The following SEMA5A variants were observed in gnomAD, a reference collection of about 807,000 sequenced individuals.
SEMA5A encodes semaphorin-5A.
In SEMA5A, 55 loss-of-function variants were observed where a neutral mutation model predicts 135.5. That is an observed-to-expected ratio of 0.41 (90% CI 0.33 to 0.51). The LOEUF is 0.51. SEMA5A is among the 20% of genes least tolerant of loss of function. The pLI, the probability that SEMA5A is intolerant of heterozygous loss-of-function variation, is 0.37. For missense variants in SEMA5A, 1,290 were observed against 1,419.9 expected, an observed-to-expected ratio of 0.91 and a Z score of 1.47; for synonymous variants, 580 against 546.5, an observed-to-expected ratio of 1.06 and a Z score of -0.85.
chr5:9,543,836 G>GAA (rs10535269), intron 1 of SEMA5A, among the ~76,000 whole-genome samples: 225 of 144,766 alleles, frequency 1.6e-3, no homozygotes, highest in African/African-American at 5.2e-3. Context: ...TATTTTTCAT[G>GAA]AAAAAAAAAA....
At chr5:9,235,682 A>T (rs1747869959) in intron 6 of SEMA5A, among the ~76,000 whole-genome samples, 1 of 150,336 alleles carries the variant, frequency 6.7e-6, no homozygotes, top group Non-Finnish European at 1.5e-5. Flanking sequence ...GTGTGCATCA[A>T]CAATATCTGC....
rs562426793 is a variant in SEMA5A at position 9,099,968 on chromosome 5, AAG to A, written c.2073+8170_2073+8171del. On this transcript the variant is annotated intron_variant, in intron 16 of 22. Coordinates refer to ENST00000382496, the MANE Select transcript of SEMA5A (RefSeq NM_003966.3). ...CTGTCCTGTATCTCTCTCTATGGAG[AAG>A]AGAGAACCTTTCCAGAAAAATGACT... Among the ~76,000 whole-genome samples, 60 of 152,330 alleles carry A rather than the reference AAG, an allele frequency of 3.9e-4. 1 individual carries two copies. Among genetic ancestry groups the A allele is most frequent in the African/African-American group, 1.2e-3 (50 of 41,578 alleles).
chr5:9,220,223 G>A (rs1746856945), intron 8 of SEMA5A, among the ~76,000 whole-genome samples: 1 of 152,122 alleles, frequency 6.6e-6, no homozygotes. Context: ...GCAGGGGAGT[G>A]GGGGATAAAA....
chr5:9,337,639 A>T, intron 4 of SEMA5A, 74 bp downstream of exon 4: 1 of 897,538 alleles, frequency 1.1e-6, no homozygotes, highest in Non-Finnish European at 1.8e-6. Context: ...TTGTCAGTGA[A>T]GGTCACATGT....
rs141530475 is a variant in SEMA5A, at chr5:9,368,539, G to A, written c.124+11284C>T. Among the ~76,000 whole-genome samples, 201 of 152,202 alleles carry A rather than the reference G, an allele frequency of 1.3e-3. 1 individual carries two copies. The highest frequency in any genetic ancestry group is 5.0e-3 in the Admixed American group (77 of 15,288). On this transcript the variant is annotated intron_variant, in intron 3 of 22. Coordinates refer to ENST00000382496, the MANE Select transcript of SEMA5A (RefSeq NM_003966.3). ...TTTGCAGCAACTCAAAAAATCTCTCGTACACCTTGCAGTCAATTTCTTCCT... is the reference window on the plus strand; with the variant it reads ...TTTGCAGCAACTCAAAAAATCTCTCATACACCTTGCAGTCAATTTCTTCCT...
intron 8 of SEMA5A, among the ~76,000 whole-genome samples, chr5:9,205,385 G>C (rs1745956527): frequency 6.6e-6 from 1 of 152,142 alleles, no homozygotes; most frequent in Non-Finnish European, 1.5e-5. Context: ...GAACATTGTT[G>C]GAAAGTGTTT....
chr5:9,361,464 G>A (rs1421538496), intron 3 of SEMA5A, among the ~76,000 whole-genome samples: 3 of 152,142 alleles, frequency 2.0e-5, no homozygotes, highest in Non-Finnish European at 4.4e-5. Flanking sequence ...TTTCTGTGAG[G>A]TAGGACTGAG....
intron 2 of SEMA5A, among the ~76,000 whole-genome samples, chr5:9,388,655 T>G (rs937679504): frequency 1.3e-5 from 2 of 152,080 alleles, no homozygotes; most frequent in Non-Finnish European, 2.9e-5. Context: ...ATCCCTGCAC[T>G]TTGGGAGGCC....
At chr5:9,472,419 T>A (rs1465899674) in intron 1 of SEMA5A, among the ~76,000 whole-genome samples, 1 of 152,224 alleles carries the variant, frequency 6.6e-6, no homozygotes, top group African/African-American at 2.4e-5. Context: ...AGAATAAGGT[T>A]TGAAATGAAA....
intron 16 of SEMA5A, among the ~76,000 whole-genome samples, chr5:9,081,140 T>C (rs961569618): frequency 6.6e-6 from 1 of 151,992 alleles, no homozygotes; most frequent in Admixed American, 6.6e-5. Flanking sequence ...CAGCAGGAAA[T>C]ACAAGATCTC....
At chr5:9,265,488 G>A in intron 5 of SEMA5A, 4 of 456,270 alleles carry the variant, frequency 8.8e-6, no homozygotes, top group South Asian at 6.2e-5. Flanking sequence ...CAACTCTTCT[G>A]CCGCGGGACT....
chr5:9,496,268 C>T (rs1179332398), intron 1 of SEMA5A, among the ~76,000 whole-genome samples: 1 of 152,180 alleles, frequency 6.6e-6, no homozygotes, highest in Non-Finnish European at 1.5e-5. Context: ...TGGTCTCAAA[C>T]TCCTGACCTC....
intron 13 of SEMA5A, among the ~76,000 whole-genome samples, chr5:9,126,087 C>G (rs75183041): frequency 6.6e-6 from 1 of 152,176 alleles, no homozygotes; most frequent in East Asian, 1.9e-4. Flanking sequence ...GGTGGTCAGA[C>G]AGAATATTTG....
chr5:9,134,624 A>G (rs1172967949), intron 13 of SEMA5A, among the ~76,000 whole-genome samples: 4 of 152,244 alleles, frequency 2.6e-5, no homozygotes, highest in African/African-American at 7.2e-5. Flanking sequence ...AGCTCCCATT[A>G]CAGATAGTAA....
chr5:9,544,276 A>T (rs1381542737), intron 1 of SEMA5A, among the ~76,000 whole-genome samples: 1 of 152,184 alleles, frequency 6.6e-6, no homozygotes, highest in Non-Finnish European at 1.5e-5. Flanking sequence ...AAGTACCCCT[A>T]AAAAGCAGAA....
At chr5:9,180,130 A>G (rs1204299442) in intron 11 of SEMA5A, among the ~76,000 whole-genome samples, 1 of 152,184 alleles carries the variant, frequency 6.6e-6, no homozygotes, top group African/African-American at 2.4e-5. Flanking sequence ...CAAGCACACC[A>G]GTCATATTGG....
At chr5:9,521,434 A>G (rs899809642) in intron 1 of SEMA5A, among the ~76,000 whole-genome samples, 1 of 152,166 alleles carries the variant, frequency 6.6e-6, no homozygotes. Context: ...AATAAAAATA[A>G]AATGAAATGT....
rs770456776 is a variant in SEMA5A, at chr5:9,197,184, G to C, written c.1052C>G (p.Pro351Arg). 8.7e-6 allele frequency: 14 copies of C among 1,614,120 alleles called. No individual in the cohort carries two copies. The highest frequency in any genetic ancestry group is 1.2e-5 in the Non-Finnish European group (14 of 1,180,054). ...SRSAWLPYPN[P>R]NPHFQCGTVD... ...GAAAATTACCTGGAAGTGGGGGTTT[G>C]GGTTGGGATACGGTAGCCAGGCCGA... The change falls in exon 10 of 23, where the codon CCA (proline) becomes CGA (arginine). Residue 351 changes from proline to arginine, a missense_variant. Pro to Arg is a moderately radical substitution (Grantham distance 103). Coordinates refer to ENST00000382496, the MANE Select transcript of SEMA5A (RefSeq NM_003966.3).
At chr5:9,099,921 TG>T (rs533129071) in intron 16 of SEMA5A, among the ~76,000 whole-genome samples, 13 of 152,188 alleles carry the variant, frequency 8.5e-5, no homozygotes, top group Non-Finnish European at 1.5e-4. Context: ...ACACTCTGTG[TG>T]CAGAGAAAGA....
Sources: allele counts gnomAD v4.1 joint callset (sites outside exome capture counted in the v4.1 genomes callset), GRCh38; gene constraint gnomAD v4.1.1; transcripts MANE v1.5; gene names NCBI Gene and HGNC (gene_info 2026-07-23, HGNC 2026-07-21).